The following CCDC148 variants were observed in gnomAD, a reference collection of about 807,000 sequenced individuals.
CCDC148 encodes the protein coiled-coil domain containing 148.
A neutral mutation model predicts 85.7 loss-of-function variants in CCDC148; 89 were observed. The ratio of observed to expected loss-of-function variants is 1.04; its 90% CI spans 0.87 to 1.24. The LOEUF is 1.24. Among genes scored for constraint, CCDC148 ranks in the 50% most tolerant of loss-of-function variants. CCDC148 has a pLI of 0.00. For missense variants in CCDC148, 692 were observed against 671.7 expected (o/e 1.03, Z -0.33); for synonymous variants, 230 against 213.9 (o/e 1.08, Z -0.66).
chr2:158,251,062 T>A, intron 9 of CCDC148, 150 bp from the exon 10 acceptor site: 1 of 640,694 alleles, frequency 1.6e-6, no homozygotes, highest in Non-Finnish European at 2.5e-6. Context: ...GTGTGATGTA[T>A]CTGTGAAACG....
chr2:158,265,643 C>T (rs531394719), intron 9 of CCDC148, among the ~76,000 whole-genome samples: 1 of 152,204 alleles, frequency 6.6e-6, no homozygotes, highest in Admixed American at 6.6e-5. Context: ...GGTCCACTTC[C>T]TCTTGTGTTT....
intron 9 of CCDC148, among the ~76,000 whole-genome samples, chr2:158,302,449 G>GC (rs1286727223): frequency 6.6e-6 from 1 of 152,008 alleles, no homozygotes; most frequent in Non-Finnish European, 1.5e-5. Flanking sequence ...TTCCCCTTTG[G>GC]CCACCAGGCA....
intron 1 of CCDC148, among the ~76,000 whole-genome samples, chr2:158,401,102 G>T (rs1478787607): frequency 6.6e-6 from 1 of 152,134 alleles, no homozygotes; most frequent in Admixed American, 6.5e-5. Flanking sequence ...CACTGTTGGT[G>T]GGAGTGTAAA....
chr2:158,337,101 T>C (rs1473086202), intron 7 of CCDC148, among the ~76,000 whole-genome samples: 1 of 152,118 alleles, frequency 6.6e-6, no homozygotes, highest in African/African-American at 2.4e-5. Context: ...AGAGCAGAAA[T>C]TGAGTTTAGT....
intron 11 of CCDC148, among the ~76,000 whole-genome samples, chr2:158,186,116 T>C (rs780146943): frequency 6.6e-6 from 1 of 152,098 alleles, no homozygotes; most frequent in Non-Finnish European, 1.5e-5. Flanking sequence ...TCAGTGACAA[T>C]TCCAGAAAGT....
At chr2:158,414,449 T>C (rs2105317354) in intron 1 of CCDC148, among the ~76,000 whole-genome samples, 1 of 152,310 alleles carries the variant, frequency 6.6e-6, no homozygotes, top group African/African-American at 2.4e-5. Context: ...TTTGCTCAAG[T>C]GGGGCAAACT....
Position 158,456,410 on chromosome 2 carries a change from C to T in CCDC148, c.25+5G>A. On this transcript the variant is annotated splice_donor_5th_base_variant and intron_variant, in intron 1 of 13. Coordinates refer to ENST00000283233, the MANE Select transcript of CCDC148 (RefSeq NM_138803.4). The stretch of plus-strand genomic sequence containing the variant: ...AGCGATGGAAGGGATGGGGTGCAAA[C>T]TCACCTGGAGAAGCAGAAGCTGCAC... 6.2e-7 allele frequency: 1 copy of T among 1,611,682 alleles called. No homozygotes were observed.
chr2:158,418,729 T>C (rs1455575365), intron 1 of CCDC148, among the ~76,000 whole-genome samples: 1 of 152,102 alleles, frequency 6.6e-6, no homozygotes, highest in African/African-American at 2.4e-5. Flanking sequence ...TTTGGTTGCT[T>C]GTCTGTCTTT....
At chr2:158,231,592 C>T (rs1230116901) in intron 10 of CCDC148, among the ~76,000 whole-genome samples, 2 of 152,134 alleles carry the variant, frequency 1.3e-5, no homozygotes, top group African/African-American at 4.8e-5. Flanking sequence ...GCCTTTCTCC[C>T]TCTCCCTCTC....
intron 9 of CCDC148, among the ~76,000 whole-genome samples, chr2:158,260,982 C>T (rs1689197431): frequency 6.7e-6 from 1 of 150,048 alleles, no homozygotes; most frequent in African/African-American, 2.4e-5. Flanking sequence ...ATCAAACTAC[C>T]AATGATATGC....
intron 8 of CCDC148, 117 bp downstream of exon 8, chr2:158,313,639 G>T: frequency 9.7e-7 from 1 of 1,032,190 alleles, no homozygotes; most frequent in Non-Finnish European, 1.4e-6. Context: ...TTATTTTCTA[G>T]AGGGTAGGAA....
At chr2:158,391,397 A>G (rs534032987) in intron 1 of CCDC148, among the ~76,000 whole-genome samples, 1 of 152,346 alleles carries the variant, frequency 6.6e-6, no homozygotes, top group East Asian at 1.9e-4. Flanking sequence ...TTTAGAGAAC[A>G]TTTAACCAAG....
At chr2:158,436,419 T>A (rs2105337827) in intron 1 of CCDC148, among the ~76,000 whole-genome samples, 1 of 152,300 alleles carries the variant, frequency 6.6e-6, no homozygotes, top group African/African-American at 2.4e-5. Context: ...AGATGTTCTT[T>A]GAAACCAATG....
At chr2:158,311,847 T>C (rs1290399860) in intron 8 of CCDC148, among the ~76,000 whole-genome samples, 2 of 152,174 alleles carry the variant, frequency 1.3e-5, no homozygotes, top group Non-Finnish European at 2.9e-5. Context: ...GGACATGGCA[T>C]TTCCACATTG....
intron 1 of CCDC148, among the ~76,000 whole-genome samples, chr2:158,363,594 G>A (rs1179783563): frequency 6.6e-6 from 1 of 151,924 alleles, no homozygotes; most frequent in Middle Eastern, 3.2e-3. Context: ...TGCAGAAAAG[G>A]CCTTTGACAA....
chr2:158,430,644 A>ACATAAAC (rs1687303818), intron 1 of CCDC148, among the ~76,000 whole-genome samples: 1 of 152,230 alleles, frequency 6.6e-6, no homozygotes, highest in South Asian at 2.1e-4. Context: ...CATAAAGATA[A>ACATAAAC]ATATTTAAGG....
At chr2:158,290,096 A>C (rs982647395) in intron 9 of CCDC148, among the ~76,000 whole-genome samples, 8 of 152,312 alleles carry the variant, frequency 5.3e-5, no homozygotes, top group African/African-American at 1.9e-4. Context: ...AGCATAGTAG[A>C]GGTGGACCTG....
chr2:158,413,636 G>A (rs72944410), intron 1 of CCDC148, among the ~76,000 whole-genome samples: 7,013 of 150,988 alleles, frequency 0.046, 240 homozygotes, highest in Non-Finnish European at 0.063. Flanking sequence ...CTAAATCAGG[G>A]GTTTGCAAAC....
intron 9 of CCDC148, among the ~76,000 whole-genome samples, chr2:158,276,575 C>G (rs1230084834): frequency 6.6e-6 from 1 of 151,566 alleles, no homozygotes; most frequent in East Asian, 1.9e-4. Context: ...CAAAACAAAA[C>G]AAAACAAAAC....
Sources: gnomAD v4.1 joint callset for allele counts (sites outside exome capture counted in the v4.1 genomes callset) on GRCh38, gnomAD v4.1.1 for gene constraint, MANE v1.5 for transcripts, NCBI Gene and HGNC (gene_info 2026-07-23, HGNC 2026-07-21) for gene names.